Variants in SBF2 observed in about 807,000 individuals in gnomAD.
The protein encoded by SBF2 is SET binding factor 2.
In SBF2, 112 loss-of-function variants were observed where a neutral mutation model predicts 225.2. The ratio of observed to expected loss-of-function variants is 0.50; its 90% CI spans 0.43 to 0.58. The LOEUF (loss-of-function observed/expected upper bound fraction) is 0.58. Ranked by LOEUF, SBF2 falls within the 20% of genes least tolerant of loss-of-function variation. The pLI is 0.00. For missense variants in SBF2, 1,996 were observed against 2,206.2 expected, an observed-to-expected ratio of 0.90 and a Z score of 1.91; for synonymous variants, 763 against 773.3, an observed-to-expected ratio of 0.99 and a Z score of 0.22.
At chr11:10,217,640 T>A (rs572102416) in intron 1 of SBF2, among the ~76,000 whole-genome samples, 22 of 152,272 alleles carry the variant, frequency 1.4e-4, no homozygotes, top group African/African-American at 5.3e-4. Context: ...GATGCCTCTA[T>A]CAGAGGCCAA....
At position 10,000,932 on chromosome 11, in the gene SBF2, T is replaced by C; in HGVS notation, c.843A>G (p.Lys281=). 6.3e-7 allele frequency: 1 copy of C among 1,587,600 alleles called. No homozygotes were observed. Residue 281 remains lysine, a synonymous_variant, in exon 8 of 40, where the codon AAA becomes AAG. Transcript: ENST00000256190. ...TACTTACAAGTTCATGGACATCAGTTTTAAAGACAGAATGTACTCCAATAA... is the reference window on the plus strand; with the variant it reads ...TACTTACAAGTTCATGGACATCAGTCTTAAAGACAGAATGTACTCCAATAA... ...PFIIGVHSVF[K]TDVHELLDVI...
intron 1 of SBF2, among the ~76,000 whole-genome samples, chr11:10,304,321 C>T (rs186306929): frequency 7.1e-4 from 108 of 152,290 alleles, no homozygotes; most frequent in African/African-American, 2.6e-3. Flanking sequence ...CCTTATAAGG[C>T]ATAATAGGAT....
intron 28 of SBF2, among the ~76,000 whole-genome samples, chr11:9,823,181 C>T (rs1056785485): frequency 2.0e-5 from 3 of 152,176 alleles, no homozygotes; most frequent in Non-Finnish European, 4.4e-5. Context: ...CCCCATTGGG[C>T]TTAAATGCTA....
chr11:10,201,170 T>C (rs1313568940), intron 1 of SBF2, among the ~76,000 whole-genome samples: 1 of 152,206 alleles, frequency 6.6e-6, no homozygotes, highest in Non-Finnish European at 1.5e-5. Flanking sequence ...GATTTACTCA[T>C]TTTAATAGAA....
intron 33 of SBF2, among the ~76,000 whole-genome samples, chr11:9,791,941 T>TCTTACAGTATCCATATGGCTGG (rs1852769596): frequency 3.3e-5 from 5 of 152,360 alleles, no homozygotes; most frequent in South Asian, 4.1e-4. Flanking sequence ...AATGGACTTT[T>TCTTACAGTATCCATATGGCTGG]CTTACAGTAT....
chr11:9,969,493 G>C (rs886230691), intron 13 of SBF2, among the ~76,000 whole-genome samples: 2 of 152,112 alleles, frequency 1.3e-5, no homozygotes, highest in Non-Finnish European at 2.9e-5. Flanking sequence ...CTTTCTATAT[G>C]ATGTGTCCTG....
intron 2 of SBF2, among the ~76,000 whole-genome samples, chr11:10,082,073 C>T (rs571442095): frequency 1.3e-5 from 2 of 152,108 alleles, no homozygotes; most frequent in Admixed American, 6.5e-5. Flanking sequence ...CACAGAAATG[C>T]AAAAGAGCAT....
At chr11:10,181,195 T>G (rs1956722234) in intron 2 of SBF2, among the ~76,000 whole-genome samples, 1 of 152,102 alleles carries the variant, frequency 6.6e-6, no homozygotes, top group African/African-American at 2.4e-5. Context: ...CTTTCTCATA[T>G]AATACTACTA....
chr11:10,177,276 A>T (rs796148208), intron 2 of SBF2, among the ~76,000 whole-genome samples: 5,175 of 146,598 alleles, frequency 0.035, 165 homozygotes, highest in Middle Eastern at 0.12. Flanking sequence ...CTTTGAAAAC[A>T]GGCACAAGAC....
intron 6 of SBF2, among the ~76,000 whole-genome samples, chr11:10,015,774 T>C (rs1948625033): frequency 6.6e-6 from 1 of 152,116 alleles, no homozygotes; most frequent in South Asian, 2.1e-4. Flanking sequence ...CTAGTCTTTT[T>C]AAATGAAGAC....
intron 1 of SBF2, among the ~76,000 whole-genome samples, chr11:10,299,816 C>T (rs997989402): frequency 2.0e-5 from 3 of 152,232 alleles, no homozygotes; most frequent in African/African-American, 7.2e-5. Flanking sequence ...TCTAATCTAT[C>T]TACCACATTC....
intron 1 of SBF2, among the ~76,000 whole-genome samples, chr11:10,302,351 C>T (rs536290156): frequency 6.6e-6 from 1 of 152,268 alleles, no homozygotes; most frequent in Non-Finnish European, 1.5e-5. Context: ...CTCACCCATG[C>T]AAGCGGGGTG....
chr11:10,242,290 C>T (rs1201698917), intron 1 of SBF2, among the ~76,000 whole-genome samples: 2 of 151,806 alleles, frequency 1.3e-5, no homozygotes, highest in Non-Finnish European at 2.9e-5. Context: ...GTATCAGCTT[C>T]AAACAGACTG....
At chr11:10,164,582 C>T (rs1955874564) in intron 2 of SBF2, among the ~76,000 whole-genome samples, 1 of 152,120 alleles carries the variant, frequency 6.6e-6, no homozygotes, top group Admixed American at 6.6e-5. Flanking sequence ...GTTCAGTTAC[C>T]AAAATCCTAA....
chr11:10,126,196 T>C (rs1484125503), intron 2 of SBF2, among the ~76,000 whole-genome samples: 1 of 152,330 alleles, frequency 6.6e-6, no homozygotes, highest in Admixed American at 6.5e-5. Context: ...CTGCACAAAA[T>C]GTTTTATCAT....
intron 2 of SBF2, among the ~76,000 whole-genome samples, chr11:10,168,424 C>T (rs1956060234): frequency 6.6e-6 from 1 of 152,188 alleles, no homozygotes. Flanking sequence ...AGACTCCACC[C>T]TTACCCCTGT....
intron 16 of SBF2, among the ~76,000 whole-genome samples, chr11:9,902,104 A>C (rs1861766441): frequency 6.6e-6 from 1 of 152,176 alleles, no homozygotes; most frequent in African/African-American, 2.4e-5. Flanking sequence ...ATCTGTAAAG[A>C]ATCTCCATTA....
chr11:9,803,867 A>G (rs529411509), intron 32 of SBF2, among the ~76,000 whole-genome samples: 51 of 152,300 alleles, frequency 3.3e-4, no homozygotes, highest in Non-Finnish European at 6.5e-4. Flanking sequence ...AGAAGGAAGA[A>G]TAGCAGTAAA....
At chr11:10,113,272 G>A (rs890441677) in intron 2 of SBF2, among the ~76,000 whole-genome samples, 1 of 152,174 alleles carries the variant, frequency 6.6e-6, no homozygotes, top group Non-Finnish European at 1.5e-5. Context: ...GGGATTACAG[G>A]CGTGAGCCAC....
Sources: gnomAD v4.1 joint callset for allele counts (sites outside exome capture counted in the v4.1 genomes callset) on GRCh38, gnomAD v4.1.1 for gene constraint, MANE v1.5 for transcripts, NCBI Gene and HGNC (gene_info 2026-07-23, HGNC 2026-07-21) for gene names.